Variants in CAP1 observed in about 807,000 individuals in gnomAD.
CAP1 encodes adenylyl cyclase-associated protein 1.
Under a neutral mutation model 58.2 loss-of-function variants are expected in CAP1, and 11 were observed. That is an observed-to-expected ratio of 0.19 (90% confidence interval 0.12 to 0.31). CAP1 has a LOEUF of 0.31. Among genes scored for constraint, CAP1 ranks in the 10% least tolerant of loss-of-function variants. The pLI is 1.00. For missense variants in CAP1, 423 were observed against 587.5 expected, an observed-to-expected ratio of 0.72 and a Z score of 2.89; for synonymous variants, 183 against 213.8, an observed-to-expected ratio of 0.86 and a Z score of 1.26.
intron 7 of CAP1, among the ~76,000 whole-genome samples, chr1:40,066,659 A>C (rs181532867): frequency 1.2e-4 from 19 of 152,340 alleles, no homozygotes; most frequent in African/African-American, 3.8e-4. Flanking sequence ...TCACCAAGCC[A>C]AATGCTATAA....
intron 6 of CAP1, among the ~76,000 whole-genome samples, chr1:40,065,826 T>C (rs1647044356): frequency 6.6e-6 from 1 of 152,244 alleles, no homozygotes; most frequent in Non-Finnish European, 1.5e-5. Context: ...AGCTCTCCTC[T>C]CTACCATGGT....
intron 6 of CAP1, among the ~76,000 whole-genome samples, chr1:40,065,141 T>G (rs1313198839): frequency 6.6e-6 from 1 of 152,264 alleles, no homozygotes; most frequent in Non-Finnish European, 1.5e-5. Flanking sequence ...TAACATGGAC[T>G]AATGCCCTTT....
chr1:40,072,103 C>G lies in CAP1; in HGVS notation c.*570C>G. 1 of 401,076 alleles carries G rather than the reference C, an allele frequency of 2.5e-6. No homozygotes were observed. Among genetic ancestry groups the G allele is most frequent in the Non-Finnish European group, 4.4e-6 (1 of 227,384 alleles). The allele number at this position is 401,076 out of a possible 1,614,324, so 24.8% of individuals were successfully genotyped here. A position where few individuals can be genotyped will look rare whatever the true frequency, so the allele number is the denominator to read the frequency against. On this transcript the variant is annotated 3_prime_UTR_variant, in exon 13 of 13. Transcript: ENST00000372805. Reference sequence around the variant, plus strand: ...GCATTCCTTTTATTCTCTATTCTATCCTGGGTCTGCCTCAACCGTGAGATA... The same window carrying G: ...GCATTCCTTTTATTCTCTATTCTATGCTGGGTCTGCCTCAACCGTGAGATA...
intron 1 of CAP1, among the ~76,000 whole-genome samples, chr1:40,042,074 G>A (rs997675849): frequency 1.3e-5 from 2 of 151,936 alleles, no homozygotes; most frequent in African/African-American, 2.4e-5. Context: ...ATGGGGTTTC[G>A]CCGTGAAGGC....
rs1380408894 is a variant in CAP1 at position 40,071,529 on chromosome 1, G to A, written c.1424G>A (p.Gly475Glu). The change falls in exon 13 of 13, where the codon GGA becomes GAA. Residue 475 changes from glycine (G) to glutamate (E), a missense_variant. By Grantham distance (98) the Gly-to-Glu change is moderately conservative (BLOSUM62 -2). Transcript: ENST00000372805. ...KLVTTVTEIA[G>E] Reference sequence around the variant, plus strand: ...GTCACCACAGTGACAGAAATTGCTGGATAAGCGAAGTGCCACTGGGTTCTT... The same window carrying A: ...GTCACCACAGTGACAGAAATTGCTGAATAAGCGAAGTGCCACTGGGTTCTT... 1.2e-6 allele frequency: 2 copies of A among 1,609,318 alleles called. No individual in the cohort carries two copies. Among genetic ancestry groups the A allele is most frequent in the Admixed American group, 1.7e-5 (1 of 59,984 alleles).
At chr1:40,069,895 CAG>C (rs746654749) in intron 9 of CAP1, 21 bp downstream of exon 9, 7 of 1,525,658 alleles carry the variant, frequency 4.6e-6, no homozygotes, top group African/African-American at 4.2e-5. Context: ...AATACCTAGA[CAG>C]GGGCAGGTAT....
chr1:40,067,264 G>T, intron 7 of CAP1: 1 of 393,126 alleles, frequency 2.5e-6, no homozygotes, highest in Non-Finnish European at 4.5e-6. Context: ...ACACACTAAG[G>T]AAGATGTCAA....
chr1:40,057,273 G>A (rs1346325336), intron 1 of CAP1, among the ~76,000 whole-genome samples: 6 of 152,198 alleles, frequency 3.9e-5, no homozygotes, highest in Admixed American at 6.5e-5. Context: ...AGTTTATTGC[G>A]TTCCTTGCCT....
chr1:40,064,651 A>C, intron 6 of CAP1, 92 bp downstream of exon 6: 12 of 946,996 alleles, frequency 1.3e-5, no homozygotes, highest in South Asian at 2.7e-5. Context: ...ATCACAGCTC[A>C]TTGCAGCCTC....
chr1:40,068,784 T>C (rs2124426691), intron 8 of CAP1, among the ~76,000 whole-genome samples: 1 of 152,218 alleles, frequency 6.6e-6, no homozygotes, highest in South Asian at 2.1e-4. Flanking sequence ...TGATGAATTA[T>C]TTTTCCCTTA....
At chr1:40,060,961 C>T (rs997335690) in intron 3 of CAP1, among the ~76,000 whole-genome samples, 2 of 152,122 alleles carry the variant, frequency 1.3e-5, no homozygotes, top group Non-Finnish European at 2.9e-5. Flanking sequence ...AACTTTAAAA[C>T]ATTTATCATT....
intron 1 of CAP1, among the ~76,000 whole-genome samples, chr1:40,048,672 G>C (rs1010246616): frequency 3.9e-5 from 6 of 152,068 alleles, no homozygotes; most frequent in African/African-American, 1.2e-4. Flanking sequence ...TAAATTTTGC[G>C]TTCAAGTTTT....
rs1274184745 is a variant in CAP1, at chr1:40,059,396, G to A, written c.50G>A (p.Arg17His). The change falls in exon 2 of 13, where the codon CGC becomes CAC. Residue 17 changes from arginine (R) to histidine (H), a missense_variant. Physicochemically the swap from Arg to His is conservative, Grantham distance 29 (BLOSUM62 0). Transcript: ENST00000372805. The part of the protein sequence containing the change: ...LVERLERAVG[R>H]LEAVSHTSDM... ...GAAAGATTGGAGAGGGCAGTGGGCC[G>A]CCTGGAGGCAGTATCTCATACCTCT... is the stretch of plus-strand genomic sequence containing the variant. 11 of 1,613,818 alleles carry A rather than the reference G, an allele frequency of 6.8e-6. No individual in the cohort carries two copies. The highest frequency in any genetic ancestry group is 1.7e-5 in the Admixed American group (1 of 59,984).
rs1406776188 is a variant in CAP1, at chr1:40,071,770, G to A, written c.*237G>A. 11 of 548,930 alleles carry A rather than the reference G, an allele frequency of 2.0e-5. No homozygotes were observed. The highest frequency in any genetic ancestry group is 4.8e-4 in the Middle Eastern group (1 of 2,096). The allele number at this position is 548,930 out of a possible 1,614,324, so 34.0% of individuals were successfully genotyped here. On this transcript the variant is annotated 3_prime_UTR_variant, in exon 13 of 13. Coordinates refer to ENST00000372805, the MANE Select transcript of CAP1 (RefSeq NM_006367.4). Reference sequence around the variant, plus strand: ...TTTTCCATATCAGCTCAACCACGCCGCCAGTCCATTCTTAAGGAACTGCCG... The same window carrying A: ...TTTTCCATATCAGCTCAACCACGCCACCAGTCCATTCTTAAGGAACTGCCG...
chr1:40,058,072 A>AG (rs1165273547), intron 1 of CAP1, among the ~76,000 whole-genome samples: 2 of 152,244 alleles, frequency 1.3e-5, no homozygotes, highest in Non-Finnish European at 2.9e-5. Context: ...GTATACAGTA[A>AG]GGAACAAGCT....
chr1:40,063,742 T>C (rs909532492), intron 4 of CAP1, among the ~76,000 whole-genome samples: 2 of 152,238 alleles, frequency 1.3e-5, no homozygotes, highest in Non-Finnish European at 2.9e-5. Context: ...GTAAAACATA[T>C]TCACATGGGT....
At chr1:40,045,644 C>A (rs1046345095) in intron 1 of CAP1, among the ~76,000 whole-genome samples, 4 of 152,194 alleles carry the variant, frequency 2.6e-5, no homozygotes, top group Non-Finnish European at 4.4e-5. Context: ...CAACCTCCCC[C>A]TCCCGGGTTC....
chr1:40,061,933 T>C lies in CAP1; in HGVS notation c.294+121T>C. The C allele has an allele frequency of 3.9e-6, 3 of 764,682 alleles. No individual in the cohort carries two copies. In the South Asian group the frequency reaches 4.4e-5, roughly 11 times the overall value. The allele number at this position is 764,682 out of a possible 1,614,324, so 47.4% of individuals were successfully genotyped here. ...CTAGGCTTTTGATAATATATGTTCA[T>C]ACCAAGTCCCAGAGGTAGAGCCATA... On this transcript the variant is annotated intron_variant, in intron 4 of 12. Transcript: ENST00000372805.
chr1:40,058,318 T>A (rs1176499626), intron 1 of CAP1, among the ~76,000 whole-genome samples: 4 of 152,228 alleles, frequency 2.6e-5, no homozygotes, highest in Non-Finnish European at 4.4e-5. Flanking sequence ...ATTACTCCCC[T>A]CTTTGAAATC....
Sources: gnomAD v4.1 joint callset for allele counts (sites outside exome capture counted in the v4.1 genomes callset) on GRCh38, gnomAD v4.1.1 for gene constraint, MANE v1.5 for transcripts, NCBI Gene and HGNC (gene_info 2026-07-23, HGNC 2026-07-21) for gene names.